Variants in MASP1 observed in about 807,000 individuals in gnomAD.
MASP1 encodes the protein MBL associated serine protease 1.
MASP1 carries 59 observed loss-of-function variants against 77.1 expected under a neutral mutation model. That is an observed-to-expected ratio of 0.77 (90% confidence interval 0.62 to 0.95). MASP1 has a LOEUF of 0.95. MASP1 is among the 40% of genes least tolerant of loss of function. The pLI, the probability that MASP1 is intolerant of heterozygous loss-of-function variation, is 0.00. For missense variants in MASP1, 885 were observed against 912.9 expected (o/e 0.97, Z 0.39); for synonymous variants, 362 against 354.5 (o/e 1.02, Z -0.24).
At chr3:187,262,399 G>A (rs1242613361) in intron 3 of MASP1, 144 bp downstream of exon 3, 5 of 799,800 alleles carry the variant, frequency 6.3e-6, no homozygotes, top group African/African-American at 5.1e-5. Flanking sequence ...ATAGATACGT[G>A]ATAGAGCAAA....
At chr3:187,265,992 C>T (rs529405738) in intron 2 of MASP1, among the ~76,000 whole-genome samples, 1 of 152,246 alleles carries the variant, frequency 6.6e-6, no homozygotes, top group African/African-American at 2.4e-5. Flanking sequence ...GATCATTTAC[C>T]TCTGAGTATA....
At position 187,235,360 on chromosome 3, in the gene MASP1, T is replaced by C; in HGVS notation, c.*324A>G. The C allele has an allele frequency of 7.1e-7, 1 of 1,410,322 alleles. No individual in the cohort carries two copies. The highest frequency in any genetic ancestry group is 9.4e-7 in the Non-Finnish European group (1 of 1,068,082). The allele number at this position is 1,410,322 out of a possible 1,614,324, so 87.4% of individuals were successfully genotyped here. A position where few individuals can be genotyped will look rare whatever the true frequency, so the allele number is the denominator to read the frequency against. On this transcript the variant is annotated 3_prime_UTR_variant, in exon 11 of 11. Coordinates refer to ENST00000296280, the MANE Select transcript of MASP1 (RefSeq NM_139125.4). ...GTGGTCAGGAGTGAATAAAGGCCAC[T>C]GGGGTAAGAAGCATGGCCTGGAAAG...
At chr3:187,219,196 T>C (rs1711897095) in exon 16 of MASP1, 1 of 152,242 alleles carries the variant, frequency 6.6e-6, no homozygotes, top group Non-Finnish European at 1.5e-5. Flanking sequence ...TTTGGTTACA[T>C]TGGCTTTACC....
Position 187,250,288 on chromosome 3 carries a change from C to G in MASP1, c.1053G>C (p.Lys351Asn). 1 of 1,613,992 alleles carries G rather than the reference C, an allele frequency of 6.2e-7. No individual in the cohort carries two copies. Among genetic ancestry groups the G allele is most frequent in the South Asian group, 1.1e-5 (1 of 91,064 alleles). The change falls in exon 8 of 11, where the codon AAG becomes AAC. Residue 351 changes from lysine (K) to asparagine (N), a missense_variant. By Grantham distance (94) the Lys-to-Asn change is moderately conservative. Transcript: ENST00000296280. ...EMDTFQIECL[K>N]DGTWSNKIPT... ...GAATCTTGTTACTCCACGTCCCATC[C>G]TTCAGACACTCAATCTGGAATGTGT...
rs1049848287 is a variant in MASP1 at position 187,223,127 on chromosome 3, CT to C, written c.1808del (p.Glu603GlyfsTer19). 3 of 1,613,666 alleles carry C rather than the reference CT, an allele frequency of 1.9e-6. No individual in the cohort carries two copies. The highest frequency in any genetic ancestry group is 2.5e-6 in the Non-Finnish European group (3 of 1,179,666). On this transcript the variant is annotated frameshift_variant and splice_region_variant, in exon 14 of 16. Transcript: ENST00000337774. LOFTEE classifies it high-confidence loss of function. ...CTGTAGGTTATAAAGTGAACTTCAC[CT>C]CCATCAGGGTCTCTGGGAACCTTTG...
downstream of MASP1, chr3:187,229,727 C>T (rs2108506598): frequency 6.2e-7 from 1 of 1,612,640 alleles, no homozygotes; most frequent in Non-Finnish European, 8.5e-7. Flanking sequence ...GGGTTCAGTT[C>T]CTTAGCTTCC....
At chr3:187,256,378 C>T (rs187530946) in intron 5 of MASP1, among the ~76,000 whole-genome samples, 72 of 152,294 alleles carry the variant, frequency 4.7e-4, no homozygotes, top group Admixed American at 4.6e-4. Flanking sequence ...GCATGGGAGG[C>T]GTGCTCATGA....
intron 11 of MASP1, chr3:187,226,526 G>C: frequency 1.9e-6 from 3 of 1,594,930 alleles, no homozygotes; most frequent in Non-Finnish European, 2.6e-6. Context: ...GGAGCCTGGG[G>C]AACAGAACAC....
Position 187,256,459 on chromosome 3 carries a change from G to A in MASP1, c.744+205C>T. On this transcript the variant is annotated intron_variant, in intron 5 of 10. Coordinates refer to ENST00000296280, the MANE Select transcript of MASP1 (RefSeq NM_139125.4). ...ACTCTCCTCCTCAAGCCACCCTAGT[G>A]GCCAGTGGGGTCATTTCGGATCAGA... 4 of 626,346 alleles carry A rather than the reference G, an allele frequency of 6.4e-6. No homozygotes were observed. The South Asian group carries it at 7.4e-5, about 12-fold the overall frequency. 38.8% of individuals were successfully genotyped at this position (626,346 alleles called of 1,614,324 possible).
At chr3:187,222,080 G>T (rs1302723752) in intron 14 of MASP1, among the ~76,000 whole-genome samples, 1 of 152,164 alleles carries the variant, frequency 6.6e-6, no homozygotes, top group African/African-American at 2.4e-5. Flanking sequence ...TAAGGGGAGA[G>T]GAAGCCAGGG....
chr3:187,264,804 A>T (rs1350528714), intron 2 of MASP1, among the ~76,000 whole-genome samples: 3 of 152,232 alleles, frequency 2.0e-5, no homozygotes, highest in African/African-American at 7.2e-5. Flanking sequence ...AACTTAATAA[A>T]AAAAAGCTAA....
intron 2 of MASP1, among the ~76,000 whole-genome samples, chr3:187,267,462 T>C (rs1051828219): frequency 3.3e-5 from 5 of 152,144 alleles, no homozygotes; most frequent in African/African-American, 1.2e-4. Flanking sequence ...TAGATTAGAG[T>C]TGGCCAAAAG....
chr3:187,268,758 A>C (rs2108577219), intron 2 of MASP1, among the ~76,000 whole-genome samples: 1 of 152,280 alleles, frequency 6.6e-6, no homozygotes, highest in South Asian at 2.1e-4. Flanking sequence ...GTTGGAAAAC[A>C]GTTTATCCAC....
intron 7 of MASP1, chr3:187,251,349 A>G (rs1377281685): frequency 1.5e-5 from 6 of 401,546 alleles, no homozygotes; most frequent in Non-Finnish European, 2.3e-5. Flanking sequence ...TACAGTTCTC[A>G]GCCTTGATTA....
intron 2 of MASP1, among the ~76,000 whole-genome samples, chr3:187,278,360 T>C (rs899088135): frequency 9.9e-5 from 15 of 151,862 alleles, no homozygotes; most frequent in African/African-American, 3.1e-4. Flanking sequence ...GTTGTATTCA[T>C]TAGGAACTCT....
chr3:187,245,607 C>T (rs995916460), intron 8 of MASP1, among the ~76,000 whole-genome samples: 4 of 152,148 alleles, frequency 2.6e-5, no homozygotes, highest in African/African-American at 9.7e-5. Flanking sequence ...AGCCATGTTT[C>T]TCTGGGACAT....
intron 13 of MASP1, among the ~76,000 whole-genome samples, chr3:187,224,496 G>C (rs950031275): frequency 1.4e-4 from 21 of 151,566 alleles, no homozygotes; most frequent in Admixed American, 9.9e-4. Flanking sequence ...ACAGGCGCCC[G>C]CCACTATGCC....
At position 187,238,359 on chromosome 3, in the gene MASP1, G is replaced by C. The variant is rs567583076; in HGVS notation, c.1304-1792C>G. ...GCCAGAACTCGAACCTATTTATCCTGAGTCTAGCTTCATATCTCCACTGAA... is the reference window on the plus strand; with the variant it reads ...GCCAGAACTCGAACCTATTTATCCTCAGTCTAGCTTCATATCTCCACTGAA... On this transcript the variant is annotated intron_variant, in intron 10 of 10. Coordinates refer to ENST00000296280, the MANE Select transcript of MASP1 (RefSeq NM_139125.4). Among the ~76,000 whole-genome samples, 3 of 152,304 alleles carry C rather than the reference G, an allele frequency of 2.0e-5. No homozygotes were observed. In the South Asian group the frequency reaches 6.2e-4, roughly 32 times the overall value.
rs752357767 is a variant in MASP1 at position 187,253,202 on chromosome 3, C to A, written c.858G>T (p.Glu286Asp). The change falls in exon 6 of 11, where the codon GAG becomes GAT. Residue 286 changes from glutamate to aspartate, a missense_variant. Transcript: ENST00000296280. Reference sequence around the variant, plus strand: ...TGTATGAGAGCCTCCAGCCCCGGTTCTCTCCCGAGTTGTCACTATGGAACA... The same window carrying A: ...TGTATGAGAGCCTCCAGCCCCGGTTATCTCCCGAGTTGTCACTATGGAACA... ...LILFHSDNSG[E>D]NRGWRLSYRA... 1.2e-6 allele frequency: 2 copies of A among 1,614,170 alleles called. No homozygotes were observed. The highest frequency in any genetic ancestry group is 8.5e-7 in the Non-Finnish European group (1 of 1,180,026).
Sources: gnomAD v4.1 joint callset for allele counts (sites outside exome capture counted in the v4.1 genomes callset) on GRCh38, gnomAD v4.1.1 for gene constraint, MANE v1.5 for transcripts, NCBI Gene and HGNC (gene_info 2026-07-23, HGNC 2026-07-21) for gene names.